SLC30A8: variants seen among roughly 807,000 people sequenced by gnomAD.
The protein encoded by SLC30A8 is proton-coupled zinc antiporter SLC30A8.
In SLC30A8, 27 loss-of-function variants were observed where a neutral mutation model predicts 36.9. That is an observed-to-expected ratio of 0.73 (90% CI 0.54 to 1.01). The LOEUF is 1.01. Ranked by LOEUF, SLC30A8 falls within the 50% of genes least tolerant of loss-of-function variation. The pLI, the probability that SLC30A8 is intolerant of heterozygous loss-of-function variation, is 0.00. For missense variants in SLC30A8, 439 were observed against 452.0 expected, an observed-to-expected ratio of 0.97 and a Z score of 0.26; for synonymous variants, 164 against 172.4, an observed-to-expected ratio of 0.95 and a Z score of 0.38.
intron 2 of SLC30A8, among the ~76,000 whole-genome samples, chr8:117,057,961 T>C (rs1817920715): frequency 6.6e-6 from 1 of 152,332 alleles, no homozygotes; most frequent in Non-Finnish European, 1.5e-5. Flanking sequence ...TTGAGGAAAT[T>C]CCATACTGTT....
rs192558699 is a variant in SLC30A8, at chr8:117,176,629, T to C, written c.*3948T>C. The C allele has an allele frequency of 6.6e-6, 1 of 152,626 alleles. No homozygotes were observed. Among genetic ancestry groups the C allele is most frequent in the Admixed American group, 6.6e-5 (1 of 15,262 alleles). 9.5% of individuals were successfully genotyped at this position (152,626 alleles called of 1,614,324 possible). On this transcript the variant is annotated 3_prime_UTR_variant, in exon 8 of 8. Transcript: ENST00000456015. ...TAACTTTCTGATTTCACACTTAACG[T>C]CTGTCATTCTGTTACTGGGCACCTG...
At chr8:116,976,798 T>TTTTCTTTCTTTCTTTCTTTCTTTCTTTC (rs142957728) in intron 1 of SLC30A8, among the ~76,000 whole-genome samples, 3 of 125,522 alleles carry the variant, frequency 2.4e-5, no homozygotes, top group African/African-American at 1.0e-4. Flanking sequence ...CCCCTTTTAT[T>TTTTCTTTCTTTCTTTCTTTCTTTCTTTC]TTTCTTTCTT....
At chr8:116,984,566 CAT>C (rs1815379522) in intron 1 of SLC30A8, among the ~76,000 whole-genome samples, 1 of 152,132 alleles carries the variant, frequency 6.6e-6, no homozygotes, top group Non-Finnish European at 1.5e-5. Flanking sequence ...AACGTCTTCT[CAT>C]GTGCTTATTT....
chr8:116,974,980 G>T (rs1383654184), intron 1 of SLC30A8, among the ~76,000 whole-genome samples: 1 of 140,742 alleles, frequency 7.1e-6, no homozygotes, highest in Non-Finnish European at 1.5e-5. Context: ...GGTGGGAATT[G>T]AACAATGAGA....
At chr8:116,994,026 TACAA>T (rs142716720) in intron 1 of SLC30A8, among the ~76,000 whole-genome samples, 4,891 of 151,072 alleles carry the variant, frequency 0.032, 276 homozygotes, top group African/African-American at 0.11. Flanking sequence ...AAAATCTTGC[TACAA>T]ACAAACAAAA....
intron 2 of SLC30A8, among the ~76,000 whole-genome samples, chr8:117,071,570 C>T (rs1488382940): frequency 6.6e-6 from 1 of 151,974 alleles, no homozygotes; most frequent in Non-Finnish European, 1.5e-5. Context: ...TTTTGTTTGT[C>T]TATTTTTTCT....
chr8:116,957,263 TTTTTTTATTTTTTA>T (rs1308049262), intron 1 of SLC30A8, among the ~76,000 whole-genome samples: 31 of 152,160 alleles, frequency 2.0e-4, no homozygotes, highest in Middle Eastern at 3.4e-3. Flanking sequence ...GCACCATTCT[TTTTTTTATTTTTTA>T]TTTTTTATTT....
chr8:117,076,360 A>G (rs555914388), intron 2 of SLC30A8, among the ~76,000 whole-genome samples: 1 of 152,330 alleles, frequency 6.6e-6, no homozygotes, highest in South Asian at 2.1e-4. Context: ...TGGGAAGGCA[A>G]GACAACCAAA....
At chr8:117,131,310 C>T (rs752477502), upstream of SLC30A8, among the ~76,000 whole-genome samples, 149 of 152,114 alleles carry the variant, frequency 9.8e-4, no homozygotes, top group Non-Finnish European at 1.7e-3. Flanking sequence ...CTGAAATACT[C>T]ACACTGTAGT....
chr8:117,035,987 C>G (rs908802738), intron 1 of SLC30A8, among the ~76,000 whole-genome samples: 3 of 152,060 alleles, frequency 2.0e-5, no homozygotes, highest in Non-Finnish European at 4.4e-5. Flanking sequence ...CTCTTCCAGG[C>G]TTGTGATGGG....
At chr8:117,001,648 T>C (rs1441605781) in intron 1 of SLC30A8, among the ~76,000 whole-genome samples, 1 of 152,180 alleles carries the variant, frequency 6.6e-6, no homozygotes, top group Non-Finnish European at 1.5e-5. Flanking sequence ...GAAACTGGGC[T>C]AAGATTGTAT....
At chr8:116,998,359 A>G (rs1024227655) in intron 1 of SLC30A8, among the ~76,000 whole-genome samples, 1 of 152,236 alleles carries the variant, frequency 6.6e-6, no homozygotes, top group African/African-American at 2.4e-5. Flanking sequence ...TACAGGAGAC[A>G]GAAGTCCCTC....
At chr8:116,988,781 T>C (rs1292439396) in intron 1 of SLC30A8, among the ~76,000 whole-genome samples, 1 of 152,238 alleles carries the variant, frequency 6.6e-6, no homozygotes, top group Non-Finnish European at 1.5e-5. Flanking sequence ...TTAGACCAGC[T>C]GGATAAACTA....
chr8:117,012,197 A>G (rs935432868), intron 1 of SLC30A8, among the ~76,000 whole-genome samples: 1 of 152,198 alleles, frequency 6.6e-6, no homozygotes, highest in African/African-American at 2.4e-5. Flanking sequence ...AAGAGTATAT[A>G]CAAAATTAAA....
chr8:117,072,781 T>C (rs1277836240), intron 2 of SLC30A8, among the ~76,000 whole-genome samples: 1 of 150,876 alleles, frequency 6.6e-6, no homozygotes, highest in East Asian at 1.9e-4. Context: ...CATAAGCCAA[T>C]AGCAATTTCA....
At chr8:117,088,127 A>G (rs969022933) in intron 2 of SLC30A8, among the ~76,000 whole-genome samples, 2 of 152,146 alleles carry the variant, frequency 1.3e-5, no homozygotes, top group African/African-American at 4.8e-5. Context: ...GAGAGAATGC[A>G]TAAGGCAGAG....
intron 1 of SLC30A8, among the ~76,000 whole-genome samples, chr8:116,958,911 G>A (rs1384906375): frequency 7.7e-6 from 1 of 129,220 alleles, no homozygotes; most frequent in African/African-American, 2.9e-5. Context: ...GTGCAGTGGT[G>A]CGATCTCGGC....
chr8:116,983,157 A>T (rs1029522244), intron 1 of SLC30A8, among the ~76,000 whole-genome samples: 1 of 152,152 alleles, frequency 6.6e-6, no homozygotes, highest in Non-Finnish European at 1.5e-5. Flanking sequence ...ACTTTTTTAT[A>T]AAACCATGTA....
intron 2 of SLC30A8, among the ~76,000 whole-genome samples, chr8:117,099,837 C>T (rs1819632744): frequency 6.6e-6 from 1 of 152,106 alleles, no homozygotes; most frequent in Admixed American, 6.5e-5. Flanking sequence ...TGTTTTGGAG[C>T]CATATATTGA....
Sources: allele counts gnomAD v4.1 joint callset (sites outside exome capture counted in the v4.1 genomes callset), GRCh38; gene constraint gnomAD v4.1.1; transcripts MANE v1.5; gene names NCBI Gene and HGNC (gene_info 2026-07-23, HGNC 2026-07-21).